The following SLC10A7 variants were observed in gnomAD, a reference collection of about 807,000 sequenced individuals.
SLC10A7 encodes the protein solute carrier family 10 member 7, also known as sodium/bile acid cotransporter 7.
SLC10A7 carries 29 observed loss-of-function variants against 43.2 expected under a neutral mutation model. The ratio of observed to expected loss-of-function variants is 0.67; its 90% confidence interval spans 0.50 to 0.92. The LOEUF (loss-of-function observed/expected upper bound fraction) is 0.92. Ranked by LOEUF, SLC10A7 falls within the 40% of genes least tolerant of loss-of-function variation. The pLI is 0.00. For synonymous variants in SLC10A7, 152 were observed against 144.8 expected (o/e 1.05, Z -0.35); for missense variants, 295 against 403.2 (o/e 0.73, Z 2.30).
At chr4:146,344,442 T>C (rs563383161) in intron 5 of SLC10A7, among the ~76,000 whole-genome samples, 2 of 152,048 alleles carry the variant, frequency 1.3e-5, no homozygotes, top group Non-Finnish European at 2.9e-5. Flanking sequence ...ATTTCACTTG[T>C]AGACTACCTG....
At chr4:146,481,133 G>A (rs1287284563) in intron 4 of SLC10A7, among the ~76,000 whole-genome samples, 1 of 152,120 alleles carries the variant, frequency 6.6e-6, no homozygotes, top group Non-Finnish European at 1.5e-5. Context: ...CCACCCTCGA[G>A]AATACAGAAG....
chr4:146,395,529 T>C (rs1738760435), intron 5 of SLC10A7, among the ~76,000 whole-genome samples: 1 of 152,174 alleles, frequency 6.6e-6, no homozygotes, highest in Admixed American at 6.5e-5. Flanking sequence ...AACCATTCCT[T>C]CCCCAGCACT....
chr4:146,418,185 G>C (rs543006914), intron 5 of SLC10A7, among the ~76,000 whole-genome samples: 4 of 152,318 alleles, frequency 2.6e-5, no homozygotes, highest in South Asian at 2.1e-4. Flanking sequence ...TAAGGCTGAA[G>C]TAATCAACCT....
chr4:146,326,957 CA>C (rs1733166222), intron 5 of SLC10A7, among the ~76,000 whole-genome samples: 2 of 96,642 alleles, frequency 2.1e-5, no homozygotes, highest in Non-Finnish European at 3.8e-5. Context: ...CACACACACA[CA>C]CACACACACA....
intron 7 of SLC10A7, among the ~76,000 whole-genome samples, chr4:146,298,925 C>G (rs1730968945): frequency 6.6e-6 from 1 of 152,130 alleles, no homozygotes; most frequent in Admixed American, 6.5e-5. Context: ...CAAACTACAC[C>G]TCCCATCAAA....
intron 5 of SLC10A7, among the ~76,000 whole-genome samples, chr4:146,378,933 A>G (rs938944640): frequency 2.2e-4 from 34 of 151,178 alleles, no homozygotes; most frequent in African/African-American, 8.4e-4. Flanking sequence ...ATTGAGTATT[A>G]GAACAGTCAA....
rs5862760 is a variant in SLC10A7, at chr4:146,472,436, GTT to G, written c.397-29617_397-29616del. Among the ~76,000 whole-genome samples, 940 of 128,900 alleles carry G rather than the reference GTT, an allele frequency of 7.3e-3. 8 individuals carry two copies. Among genetic ancestry groups the G allele is most frequent in the African/African-American group, 0.021 (711 of 34,508 alleles). 84.6% of individuals were successfully genotyped at this position (128,900 alleles called of 152,430 possible). ...TTACATATCTGTGCAGGCTTATTCT[GTT>G]TTTTTTTTTTTTTTTTCCTTTCAAG... On this transcript the variant is annotated intron_variant, in intron 4 of 11. Coordinates refer to ENST00000335472, the MANE Select transcript of SLC10A7 (RefSeq NM_001029998.6).
At chr4:146,435,118 C>T (rs547839790) in intron 5 of SLC10A7, among the ~76,000 whole-genome samples, 1 of 152,200 alleles carries the variant, frequency 6.6e-6, no homozygotes, top group South Asian at 2.1e-4. Context: ...CAGCAACATC[C>T]AGTAAATCTA....
intron 6 of SLC10A7, among the ~76,000 whole-genome samples, chr4:146,325,220 G>A (rs1481424324): frequency 6.6e-6 from 1 of 152,196 alleles, no homozygotes; most frequent in East Asian, 1.9e-4. Flanking sequence ...TGGAAGATGT[G>A]TGTATGAAAA....
chr4:146,310,336 T>C (rs1731883098), intron 6 of SLC10A7, among the ~76,000 whole-genome samples: 1 of 152,176 alleles, frequency 6.6e-6, no homozygotes, highest in East Asian at 1.9e-4. Context: ...TGGATATATA[T>C]GCAGTAATGG....
chr4:146,480,167 A>G (rs1432768862), intron 4 of SLC10A7, among the ~76,000 whole-genome samples: 2 of 152,142 alleles, frequency 1.3e-5, no homozygotes, highest in Admixed American at 6.5e-5. Flanking sequence ...GTTGTTATTA[A>G]TATAACTATT....
intron 11 of SLC10A7, among the ~76,000 whole-genome samples, chr4:146,258,285 G>C (rs1010745254): frequency 6.6e-6 from 1 of 152,156 alleles, no homozygotes; most frequent in Admixed American, 6.5e-5. Context: ...AGGCAACCTG[G>C]ATAATGCCAG....
At chr4:146,432,763 G>T (rs1729871936) in intron 5 of SLC10A7, among the ~76,000 whole-genome samples, 1 of 152,118 alleles carries the variant, frequency 6.6e-6, no homozygotes, top group African/African-American at 2.4e-5. Context: ...CAATAAACCG[G>T]CCGCGGTGGC....
At chr4:146,480,196 A>G (rs186697301) in intron 4 of SLC10A7, among the ~76,000 whole-genome samples, 209 of 152,274 alleles carry the variant, frequency 1.4e-3, no homozygotes, top group African/African-American at 4.6e-3. Context: ...TTAGACTCAA[A>G]AAGTAATTCA....
At chr4:146,281,002 T>C (rs1249425023) in intron 10 of SLC10A7, among the ~76,000 whole-genome samples, 4 of 152,192 alleles carry the variant, frequency 2.6e-5, no homozygotes, top group Admixed American at 6.6e-5. Context: ...ATTACATAGA[T>C]ATTACACTAG....
At chr4:146,496,419 T>C (rs960858066) in intron 4 of SLC10A7, among the ~76,000 whole-genome samples, 2 of 152,124 alleles carry the variant, frequency 1.3e-5, no homozygotes, top group African/African-American at 4.8e-5. Context: ...TCCCTCTTTC[T>C]CTTGCCTGTG....
At chr4:146,424,257 G>C (rs762403886) in intron 5 of SLC10A7, among the ~76,000 whole-genome samples, 7 of 152,104 alleles carry the variant, frequency 4.6e-5, no homozygotes, top group Admixed American at 6.5e-5. Flanking sequence ...TTGCTGTGTT[G>C]CCCAAGCTGG....
At chr4:146,408,884 T>C (rs17021468) in intron 5 of SLC10A7, among the ~76,000 whole-genome samples, 2,447 of 152,246 alleles carry the variant, frequency 0.016, 80 homozygotes, top group African/African-American at 0.056. Flanking sequence ...TCTATTGCAT[T>C]CTTCATGGCT....
intron 5 of SLC10A7, among the ~76,000 whole-genome samples, chr4:146,344,433 T>C (rs1734473955): frequency 6.6e-6 from 1 of 152,036 alleles, no homozygotes; most frequent in Non-Finnish European, 1.5e-5. Flanking sequence ...ATTCTTTTCA[T>C]TTCACTTGTA....
Sources: gnomAD v4.1 joint callset for allele counts (sites outside exome capture counted in the v4.1 genomes callset) on GRCh38, gnomAD v4.1.1 for gene constraint, MANE v1.5 for transcripts, NCBI Gene and HGNC (gene_info 2026-07-23, HGNC 2026-07-21) for gene names.